The following LYSMD1 variants were observed in gnomAD, a reference collection of about 807,000 sequenced individuals.
LYSMD1 encodes LysM domain containing 1.
A neutral mutation model predicts 19.3 loss-of-function variants in LYSMD1; 9 were observed. That is an observed-to-expected ratio of 0.47 (90% confidence interval 0.28 to 0.81). The LOEUF is 0.81. Ranked by LOEUF, LYSMD1 falls within the 40% of genes least tolerant of loss-of-function variation. The probability of loss-of-function intolerance (pLI) is 0.11; values close to 1 mark genes in which losing one functional copy is unlikely to be tolerated. For synonymous variants in LYSMD1, 111 were observed against 111.7 expected (o/e 0.99, Z 0.04); for missense variants, 262 against 279.8 (o/e 0.94, Z 0.45).
In LYSMD1 at chr1:151,165,084, C is replaced by T; in HGVS notation, c.175G>A (p.Val59Met). ...TLAGLALKYG[V>M]TMEQIKRANR... is the part of the protein sequence containing the mutation. The stretch of plus-strand genomic sequence containing the variant: ...CCCAATCCTGGAAAACTCACCGTCA[C>T]CCCATATTTGAGTGCTAGTCCAGCC... Residue 59 changes from valine (V) to methionine (M), a missense_variant, in exon 1 of 3, where the codon GTG becomes ATG. Val to Met is a conservative substitution (Grantham distance 21). Transcript: ENST00000368908. 1 of 1,613,898 alleles carries T rather than the reference C, an allele frequency of 6.2e-7. No individual in the cohort carries two copies. The highest frequency in any genetic ancestry group is 1.3e-5 in the African/African-American group (1 of 75,058).
chr1:151,165,399 A>AC lies in LYSMD1; in HGVS notation c.-142dup. On this transcript the variant is annotated 5_prime_UTR_variant, in exon 1 of 3. Coordinates refer to ENST00000368908, the MANE Select transcript of LYSMD1 (RefSeq NM_212551.5). ...TCCCCTGTGTCCCCGCCTCCCCAGCACTACGCCATCTGCCCCCTCCCGGTT... is the reference window on the plus strand; with the variant it reads ...TCCCCTGTGTCCCCGCCTCCCCAGCACCTACGCCATCTGCCCCCTCCCGGTT... The AC allele has an allele frequency of 7.0e-7, 1 of 1,436,728 alleles. No individual in the cohort carries two copies. Among genetic ancestry groups the AC allele is most frequent in the Non-Finnish European group, 9.1e-7 (1 of 1,100,258 alleles). The allele number at this position is 1,436,728 out of a possible 1,614,324, so 89.0% of individuals were successfully genotyped here. A position where few individuals can be genotyped will look rare whatever the true frequency, so the allele number is the denominator to read the frequency against.
downstream of LYSMD1, among the ~76,000 whole-genome samples, chr1:151,155,620 G>A (rs587652856): frequency 5.3e-5 from 8 of 152,292 alleles, no homozygotes; most frequent in Admixed American, 2.0e-4. Flanking sequence ...GGAGGCTGAA[G>A]TAGGAAGAGC....
At chr1:151,159,082 G>A, downstream of LYSMD1, 1 of 1,614,176 alleles carries the variant, frequency 6.2e-7, no homozygotes, top group Non-Finnish European at 8.5e-7. Context: ...TGTGCTGCTA[G>A]AGTTGGTGGA....
chr1:151,163,978 C>A (rs1006370495), intron 1 of LYSMD1, among the ~76,000 whole-genome samples: 1 of 151,570 alleles, frequency 6.6e-6, no homozygotes, highest in Non-Finnish European at 1.5e-5. Context: ...ATCGCAACCT[C>A]CCCCTCCTGG....
chr1:151,156,852 G>A (rs60636837), downstream of LYSMD1: 3,215 of 152,400 alleles, frequency 0.021, 96 homozygotes, highest in African/African-American at 0.073. Flanking sequence ...CCTTTGTAGA[G>A]CTTAGCTTAG....
rs1464892466 is a variant in LYSMD1, at chr1:151,161,830, C to A, written c.451G>T (p.Asp151Tyr). 1.2e-6 allele frequency: 2 copies of A among 1,613,752 alleles called. No homozygotes were observed. Among genetic ancestry groups the A allele is most frequent in the Admixed American group, 3.3e-5 (2 of 59,850 alleles). Residue 151 changes from aspartate to tyrosine, a missense_variant, in exon 2 of 3, where the codon GAC (aspartate) becomes TAC (tyrosine). Asp to Tyr is a radical substitution (Grantham distance 160). Transcript: ENST00000368908. ...TTAAGGAAATCAGAGGCAGAGAGGTCATGGATGGGCGTGGGGGTTTCCTGG... is the reference window on the plus strand; with the variant it reads ...TTAAGGAAATCAGAGGCAGAGAGGTAATGGATGGGCGTGGGGGTTTCCTGG... Reference protein sequence around the residue: ...PGQETPTPIHDLSASDFLKKL... With the variant: ...PGQETPTPIHYLSASDFLKKL...
chr1:151,165,340 TGAATATTCAGGGG>T lies in LYSMD1; in HGVS notation c.-95_-83del. The T allele has an allele frequency of 3.9e-6, 6 of 1,545,474 alleles. No homozygotes were observed. Among genetic ancestry groups the T allele is most frequent in the Non-Finnish European group, 5.2e-6 (6 of 1,145,852 alleles). On this transcript the variant is annotated 5_prime_UTR_variant, in exon 1 of 3. Coordinates refer to ENST00000368908, the MANE Select transcript of LYSMD1 (RefSeq NM_212551.5). The stretch of plus-strand genomic sequence containing the variant: ...GACTGACAGGCCTGAAGTCTGGGAA[TGAATATTCAGGGG>T]ATTCCTTTCCCCCTCTCTCTTCCCC...
the LYSMD1 span, among the ~76,000 whole-genome samples, chr1:151,149,123 G>C: frequency 1.9e-4 from 29 of 152,280 alleles, 2 homozygotes; most frequent in South Asian, 6.0e-3. Context: ...GGGCGAGGTG[G>C]CTCACCCCTG....
rs12058806 is a variant in LYSMD1, at chr1:151,164,756, T to C, written c.180+323A>G. On this transcript the variant is annotated intron_variant, in intron 1 of 2. Transcript: ENST00000368908. ...ATTATTTGACCTTAGCCAAACTGGT[T>C]AACCAATCCAAGTCTCAGTTTCTTC... Among the ~76,000 whole-genome samples the C allele has an allele frequency of 7.9e-3, 1,199 of 152,320 alleles. 17 individuals are homozygous for C. The highest frequency in any genetic ancestry group is 0.027 in the African/African-American group (1,117 of 41,558).
Position 151,165,254 on chromosome 1 carries a change from G to A in LYSMD1, c.5C>T (p.Ala2Val), listed in dbSNP as rs1447671585. 1.2e-6 allele frequency: 2 copies of A among 1,612,010 alleles called. No homozygotes were observed. Among genetic ancestry groups the A allele is most frequent in the South Asian group, 1.1e-5 (1 of 90,932 alleles). The change falls in exon 1 of 3, where the codon GCT (alanine) becomes GTT (valine). Residue 2 changes from alanine to valine, a missense_variant. Physicochemically the swap from Ala to Val is moderately conservative, Grantham distance 64. Transcript: ENST00000368908. M[A>V]SPSRQPPPGG... ...TGGCGGGGGCTGTCTAGACGGGGAA[G>A]CCATCTCTTCACCCTGCCAACAGCT...
the LYSMD1 span, among the ~76,000 whole-genome samples, chr1:151,152,539 A>C: frequency 6.6e-6 from 1 of 151,276 alleles, no homozygotes; most frequent in Non-Finnish European, 1.5e-5. Context: ...GTCTCTACTA[A>C]AAATACAAAA....
chr1:151,152,078 C>A, the LYSMD1 span, among the ~76,000 whole-genome samples: 1 of 150,286 alleles, frequency 6.7e-6, no homozygotes, highest in Non-Finnish European at 1.5e-5. Flanking sequence ...AGAGGAAAAA[C>A]AACAACAACA....
At chr1:151,155,567 C>A (rs188641238), downstream of LYSMD1, among the ~76,000 whole-genome samples, 6 of 151,196 alleles carry the variant, frequency 4.0e-5, no homozygotes, top group Non-Finnish European at 7.4e-5. Flanking sequence ...CTCCTCTCTA[C>A]AAAAAAAAGG....
At position 151,165,882 on chromosome 1, in the gene LYSMD1, C is replaced by G; in HGVS notation, c.-624G>C. 1 of 1,058,822 alleles carries G rather than the reference C, an allele frequency of 9.4e-7. No homozygotes were observed. Among genetic ancestry groups the G allele is most frequent in the Non-Finnish European group, 1.4e-6 (1 of 700,664 alleles). The allele number at this position is 1,058,822 out of a possible 1,614,324, so 65.6% of individuals were successfully genotyped here. ...ATGCAAGGGCCTGGATCCAGTTGAGCGGCAAGGTCTTTGAGAAAAGACTTC... is the reference window on the plus strand; with the variant it reads ...ATGCAAGGGCCTGGATCCAGTTGAGGGGCAAGGTCTTTGAGAAAAGACTTC... On this transcript the variant is annotated 5_prime_UTR_variant, in exon 1 of 3. Transcript: ENST00000368908.
In LYSMD1 at chr1:151,165,723, G is replaced by T. The variant is rs587616895; in HGVS notation, c.-465C>A. The T allele has an allele frequency of 5.8e-6, 9 of 1,551,716 alleles. No homozygotes were observed. In the South Asian group the frequency reaches 9.5e-5, roughly 16 times the overall value. Reference sequence around the variant, plus strand: ...CTGTCGCCGCAGACGAAGAGCGTGAGGATTGCAAGAATTTGTAGTACACCT... The same window carrying T: ...CTGTCGCCGCAGACGAAGAGCGTGATGATTGCAAGAATTTGTAGTACACCT... On this transcript the variant is annotated 5_prime_UTR_variant, in exon 1 of 3. Coordinates refer to ENST00000368908, the MANE Select transcript of LYSMD1 (RefSeq NM_212551.5).
At position 151,159,951 on chromosome 1, in the gene LYSMD1, C is replaced by G. The variant is rs900612356; in HGVS notation, c.*931G>C. 9 of 160,410 alleles carry G rather than the reference C, an allele frequency of 5.6e-5. No individual in the cohort carries two copies. The highest frequency in any genetic ancestry group is 2.2e-4 in the African/African-American group (9 of 41,290). 9.9% of individuals were successfully genotyped at this position (160,410 alleles called of 1,614,324 possible). On this transcript the variant is annotated 3_prime_UTR_variant, in exon 3 of 3. Transcript: ENST00000368908. ...TGTACCATAGATCAGTGCTACAAAT[C>G]GCAAATAAATATGCAGTGAGGAGGA... is the stretch of plus-strand genomic sequence containing the variant.
Position 151,165,349 on chromosome 1 carries a change from AG to A in LYSMD1, c.-92del. ...GCCTGAAGTCTGGGAATGAATATTCAGGGGATTCCTTTCCCCCTCTCTCTTC... is the reference window on the plus strand; with the variant it reads ...GCCTGAAGTCTGGGAATGAATATTCAGGGATTCCTTTCCCCCTCTCTCTTC... On this transcript the variant is annotated 5_prime_UTR_variant, in exon 1 of 3. Coordinates refer to ENST00000368908, the MANE Select transcript of LYSMD1 (RefSeq NM_212551.5). 7.2e-6 allele frequency: 11 copies of A among 1,530,378 alleles called. No individual in the cohort carries two copies. Among genetic ancestry groups the A allele is most frequent in the East Asian group, 2.3e-5 (1 of 43,948 alleles). The allele number at this position is 1,530,378 out of a possible 1,614,324, so 94.8% of individuals were successfully genotyped here.
At chr1:151,152,592 T>C in the LYSMD1 span, among the ~76,000 whole-genome samples, 3 of 134,406 alleles carry the variant, frequency 2.2e-5, no homozygotes, top group African/African-American at 5.6e-5. Context: ...CCCAGCTACT[T>C]GGGAGGCTGA....
Position 151,165,501 on chromosome 1 carries a change from C to T in LYSMD1, c.-243G>A. ...CCCTCCCTAATTCTCCCCTAAGCAC[C>T]CCTCCGACTTTGGACTCCCCCACAA... On this transcript the variant is annotated 5_prime_UTR_variant, in exon 1 of 3. Coordinates refer to ENST00000368908, the MANE Select transcript of LYSMD1 (RefSeq NM_212551.5). 1 of 1,440,408 alleles carries T rather than the reference C, an allele frequency of 6.9e-7. No homozygotes were observed. The highest frequency in any genetic ancestry group is 1.5e-5 in the South Asian group (1 of 67,282). The allele number at this position is 1,440,408 out of a possible 1,614,324, so 89.2% of individuals were successfully genotyped here. A position where few individuals can be genotyped will look rare whatever the true frequency, so the allele number is the denominator to read the frequency against.
Sources: allele counts gnomAD v4.1 joint callset (sites outside exome capture counted in the v4.1 genomes callset), GRCh38; gene constraint gnomAD v4.1.1; transcripts MANE v1.5; gene names NCBI Gene and HGNC (gene_info 2026-07-23, HGNC 2026-07-21).